The following RIMS1 variants were observed in gnomAD, a reference collection of about 807,000 sequenced individuals.
RIMS1 encodes the protein regulating synaptic membrane exocytosis protein 1.
In RIMS1, 83 loss-of-function variants were observed where a neutral mutation model predicts 214.1. That is an observed-to-expected ratio of 0.39 (90% CI 0.32 to 0.47). The LOEUF (loss-of-function observed/expected upper bound fraction) is 0.47, where lower values mean the gene tolerates loss of function less well. Among genes scored for constraint, RIMS1 ranks in the 20% least tolerant of loss-of-function variants. RIMS1 has a pLI of 0.99. For synonymous variants in RIMS1, 793 were observed against 786.8 expected (o/e 1.01, Z -0.13); for missense variants, 2,050 against 2,161.8 (o/e 0.95, Z 1.03).
intron 29 of RIMS1, among the ~76,000 whole-genome samples, chr6:72,381,148 G>C (rs992665408): frequency 2.6e-5 from 4 of 152,090 alleles, no homozygotes; most frequent in African/African-American, 9.7e-5. Flanking sequence ...CTCTCTCCTT[G>C]GCTTGCTGTT....
rs761318699 is a variant in RIMS1, at chr6:72,182,581, T to G, written c.1110T>G (p.Pro370=). 4 of 1,549,284 alleles carry G rather than the reference T, an allele frequency of 2.6e-6. No individual in the cohort carries two copies. The highest frequency in any genetic ancestry group is 2.0e-5 in the Admixed American group (1 of 51,016). The part of the protein sequence containing the change: ...NLARYPVKPP[P]EEQQMRMHAR... ...CTCGGTACCCGGTGAAACCGCCGCC[T>G]GAGGAGCAGCAGATGCGCATGCACG... The change falls in exon 6 of 34, where the codon CCT becomes CCG. Residue 370 remains proline (P), a synonymous_variant. Coordinates refer to ENST00000521978, the MANE Select transcript of RIMS1 (RefSeq NM_014989.7).
chr6:71,986,190 G>GTTTTTTTTTTTTTTTT (rs35395914), intron 2 of RIMS1, among the ~76,000 whole-genome samples: 2 of 131,782 alleles, frequency 1.5e-5, no homozygotes, highest in Non-Finnish European at 3.3e-5. Context: ...TTTGGGTTTT[G>GTTTTTTTTTTTTTTTT]TTTTTTTTTT....
chr6:72,152,670 ACATATATATTC>A (rs1412513743), intron 4 of RIMS1, among the ~76,000 whole-genome samples: 4 of 150,398 alleles, frequency 2.7e-5, no homozygotes, highest in Non-Finnish European at 4.4e-5. Context: ...AGGAGGAAAG[ACATATATATTC>A]CATAGAGATA....
intron 1 of RIMS1, among the ~76,000 whole-genome samples, chr6:71,892,923 A>G (rs771489761): frequency 6.6e-6 from 1 of 152,112 alleles, no homozygotes; most frequent in East Asian, 1.9e-4. Flanking sequence ...TAACATTATG[A>G]CTTTTTATAG....
chr6:72,114,861 A>G (rs999417058), intron 4 of RIMS1, among the ~76,000 whole-genome samples: 11 of 151,906 alleles, frequency 7.2e-5, no homozygotes, highest in African/African-American at 2.2e-4. Context: ...CTGGCTTTGC[A>G]TTCTCTACTC....
intron 16 of RIMS1, 42 bp from the exon 17 acceptor site, chr6:72,258,083 G>A: frequency 1.9e-6 from 3 of 1,569,658 alleles, no homozygotes; most frequent in Non-Finnish European, 1.7e-6. Flanking sequence ...TTGCATTATA[G>A]AAGAATACTG....
chr6:71,912,249 T>A (rs911482188), intron 1 of RIMS1, among the ~76,000 whole-genome samples: 71 of 152,140 alleles, frequency 4.7e-4, no homozygotes, highest in Non-Finnish European at 7.4e-5. Context: ...AATTCTCTTG[T>A]TTAAGATAAC....
intron 19 of RIMS1, chr6:72,261,254 C>G: frequency 4.0e-6 from 4 of 1,002,186 alleles, no homozygotes; most frequent in Non-Finnish European, 4.8e-6. Flanking sequence ...TAACAGTTCA[C>G]TTTTAATGGC....
chr6:72,311,545 A>G (rs1397859898), intron 27 of RIMS1, among the ~76,000 whole-genome samples: 1 of 152,212 alleles, frequency 6.6e-6, no homozygotes, highest in Non-Finnish European at 1.5e-5. Context: ...ATAATAACAT[A>G]TGAATTTCCT....
chr6:72,190,608 A>G (rs2049929036), intron 6 of RIMS1, among the ~76,000 whole-genome samples: 1 of 152,044 alleles, frequency 6.6e-6, no homozygotes, highest in Non-Finnish European at 1.5e-5. Context: ...TCCTCTGTCA[A>G]CTGATTGTAG....
At chr6:72,049,115 C>A (rs1199229412) in intron 2 of RIMS1, among the ~76,000 whole-genome samples, 2 of 152,234 alleles carry the variant, frequency 1.3e-5, no homozygotes, top group East Asian at 3.9e-4. Flanking sequence ...GGGCCAGAGA[C>A]CAAGATCAGA....
intron 2 of RIMS1, among the ~76,000 whole-genome samples, chr6:71,979,666 CTGTA>C (rs1798019880): frequency 6.6e-6 from 1 of 151,982 alleles, no homozygotes; most frequent in Non-Finnish European, 1.5e-5. Flanking sequence ...ATCTTTATCT[CTGTA>C]TGTTTCTTAT....
In RIMS1 at chr6:72,307,303, T is replaced by C. The variant is rs1182535890; in HGVS notation, c.3896T>C (p.Val1299Ala). 4 of 1,605,888 alleles carry C rather than the reference T, an allele frequency of 2.5e-6. No homozygotes were observed. Among genetic ancestry groups the C allele is most frequent in the Non-Finnish European group, 1.7e-6 (2 of 1,176,216 alleles). Residue 1299 changes from valine to alanine, a missense_variant, in exon 27 of 34, where the codon GTG becomes GCG. Physicochemically the swap from Val to Ala is moderately conservative, Grantham distance 64. Coordinates refer to ENST00000521978, the MANE Select transcript of RIMS1 (RefSeq NM_014989.7). ...EERTRQMKMK[V>A]HRFKQTTGSG... The stretch of plus-strand genomic sequence containing the variant: ...CGAACAAGACAGATGAAAATGAAAG[T>C]GCATCGATTTAAGCAGACAACAGGG...
At chr6:72,306,603 G>T (rs1315301639) in intron 26 of RIMS1, among the ~76,000 whole-genome samples, 1 of 152,104 alleles carries the variant, frequency 6.6e-6, no homozygotes, top group Non-Finnish European at 1.5e-5. Context: ...ATAAATTAAA[G>T]GGCTGAAAGT....
chr6:72,259,682 T>C (rs1315651467), intron 18 of RIMS1, among the ~76,000 whole-genome samples: 1 of 152,178 alleles, frequency 6.6e-6, no homozygotes, highest in Non-Finnish European at 1.5e-5. Flanking sequence ...ATTTGTGAAC[T>C]AATATTTCAC....
At chr6:72,261,509 T>A in intron 19 of RIMS1, 1 of 939,788 alleles carries the variant, frequency 1.1e-6, no homozygotes, top group Middle Eastern at 5.5e-4. Context: ...TTCTTACAGA[T>A]TACTCATGGA....
chr6:72,213,719 T>A (rs926241587), intron 6 of RIMS1, among the ~76,000 whole-genome samples: 1 of 152,162 alleles, frequency 6.6e-6, no homozygotes, highest in African/African-American at 2.4e-5. Flanking sequence ...GGTTCCTGGG[T>A]TCTTGCGAAA....
At chr6:71,988,004 G>A (rs1418520908) in intron 2 of RIMS1, among the ~76,000 whole-genome samples, 1 of 152,042 alleles carries the variant, frequency 6.6e-6, no homozygotes, top group Non-Finnish European at 1.5e-5. Context: ...GACTGCCAAA[G>A]TCCATATGGT....
intron 1 of RIMS1, among the ~76,000 whole-genome samples, chr6:71,925,776 A>G (rs756884826): frequency 6.6e-6 from 1 of 152,252 alleles, no homozygotes; most frequent in Non-Finnish European, 1.5e-5. Flanking sequence ...AGGACTTTGT[A>G]AAAACTTTCA....
Sources: gnomAD v4.1 joint callset for allele counts (sites outside exome capture counted in the v4.1 genomes callset) on GRCh38, gnomAD v4.1.1 for gene constraint, MANE v1.5 for transcripts, NCBI Gene and HGNC (gene_info 2026-07-23, HGNC 2026-07-21) for gene names.